The following CSMD1 variants were observed in gnomAD, a reference collection of about 807,000 sequenced individuals.
The protein encoded by CSMD1 is CUB and sushi domain-containing protein 1.
CSMD1 carries 213 observed loss-of-function variants against 417.5 expected under a neutral mutation model. The ratio of observed to expected loss-of-function variants is 0.51; its 90% CI spans 0.46 to 0.57. The LOEUF is 0.57. Among genes scored for constraint, CSMD1 ranks in the 20% least tolerant of loss-of-function variants. CSMD1 has a pLI of 0.00. For missense variants in CSMD1, 6,923 were observed against 4,529.7 expected, an observed-to-expected ratio of 1.53 and a Z score of -15.17; for synonymous variants, 2,862 against 1,736.8, an observed-to-expected ratio of 1.65 and a Z score of -16.11.
At chr8:3,087,312 A>G in intron 48 of CSMD1, 27 bp from the exon 49 acceptor site, 1 of 1,606,948 alleles carries the variant, frequency 6.2e-7, no homozygotes, top group South Asian at 1.1e-5. Flanking sequence ...ACACACAGAA[A>G]TAAGTCAACA....
At chr8:3,083,646 A>AT (rs1814270383) in intron 49 of CSMD1, among the ~76,000 whole-genome samples, 23 of 16,740 alleles carry the variant, frequency 1.4e-3, no homozygotes, top group Admixed American at 2.8e-3. Flanking sequence ...ATATATATAT[A>AT]TATTTTTTTT....
At chr8:4,125,849 G>T (rs116199680) in intron 3 of CSMD1, among the ~76,000 whole-genome samples, 1 of 152,128 alleles carries the variant, frequency 6.6e-6, no homozygotes, top group Non-Finnish European at 1.5e-5. Flanking sequence ...AGTCTGCTTT[G>T]CAGGACTAAC....
chr8:3,966,774 C>T (rs1182211090), intron 5 of CSMD1, among the ~76,000 whole-genome samples: 1 of 151,604 alleles, frequency 6.6e-6, no homozygotes, highest in Non-Finnish European at 1.5e-5. Flanking sequence ...CGCACACACA[C>T]TGATTTATAG....
chr8:4,421,012 G>T (rs138154616), intron 2 of CSMD1, among the ~76,000 whole-genome samples: 2 of 152,080 alleles, frequency 1.3e-5, no homozygotes, highest in African/African-American at 4.8e-5. Flanking sequence ...AGTATCTGCT[G>T]TCTGCTTTTA....
intron 1 of CSMD1, among the ~76,000 whole-genome samples, chr8:4,728,279 AAATAAAATTTT>A (rs1809606569): frequency 6.6e-6 from 1 of 151,070 alleles, no homozygotes; most frequent in African/African-American, 2.4e-5. Flanking sequence ...ATTTGGGTTG[AAATAAAATTTT>A]AATATTAGGT....
intron 7 of CSMD1, among the ~76,000 whole-genome samples, chr8:3,667,743 G>C (rs1798775960): frequency 6.6e-6 from 1 of 152,176 alleles, no homozygotes; most frequent in Non-Finnish European, 1.5e-5. Context: ...AAGTAAACAA[G>C]AGTTCTGAAA....
intron 19 of CSMD1, among the ~76,000 whole-genome samples, chr8:3,368,338 T>C (rs944977263): frequency 2.6e-5 from 4 of 152,092 alleles, no homozygotes; most frequent in African/African-American, 4.8e-5. Flanking sequence ...AATAGACTCT[T>C]GTTTATTTTA....
chr8:4,182,564 A>G (rs1798438482), intron 3 of CSMD1, among the ~76,000 whole-genome samples: 1 of 152,166 alleles, frequency 6.6e-6, no homozygotes, highest in Admixed American at 6.6e-5. Context: ...ATAATGATGT[A>G]TGATCACAGA....
chr8:3,500,420 C>G (rs551408845), intron 10 of CSMD1, among the ~76,000 whole-genome samples: 1 of 152,064 alleles, frequency 6.6e-6, no homozygotes, highest in Non-Finnish European at 1.5e-5. Context: ...AGGTTCACGA[C>G]CAGACACACA....
chr8:4,112,946 C>T (rs116840332), intron 3 of CSMD1, among the ~76,000 whole-genome samples: 2,510 of 152,228 alleles, frequency 0.016, 72 homozygotes, highest in African/African-American at 0.057. Flanking sequence ...CATCCTTTTG[C>T]GTTACATTTT....
intron 3 of CSMD1, among the ~76,000 whole-genome samples, chr8:4,305,506 G>T (rs1057112049): frequency 3.9e-5 from 6 of 152,180 alleles, no homozygotes; most frequent in Admixed American, 1.3e-4. Context: ...TGCTTTCCCT[G>T]AGGGCAGAGC....
Position 3,865,197 on chromosome 8 carries a change from C to A in CSMD1, c.819-111155G>T, listed in dbSNP as rs59889484. On this transcript the variant is annotated intron_variant, in intron 5 of 69. Coordinates refer to ENST00000635120, the MANE Select transcript of CSMD1 (RefSeq NM_033225.6). ...TAGAGGCACCTCTGATATTTAACAT[C>A]TTGGAAAATGACAGACATAAGTCAT... Among the ~76,000 whole-genome samples the A allele has an allele frequency of 6.8e-3, 1,037 of 152,318 alleles. 11 individuals are homozygous for A. Among genetic ancestry groups the A allele is most frequent in the African/African-American group, 0.022 (908 of 41,562 alleles).
intron 1 of CSMD1, among the ~76,000 whole-genome samples, chr8:4,752,598 T>G (rs1811404547): frequency 6.6e-6 from 1 of 152,134 alleles, no homozygotes; most frequent in African/African-American, 2.4e-5. Flanking sequence ...TGAGTGAAAT[T>G]CTAGAAAAAT....
At chr8:2,997,094 C>T (rs901529297) in intron 54 of CSMD1, among the ~76,000 whole-genome samples, 18 of 152,244 alleles carry the variant, frequency 1.2e-4, no homozygotes, top group African/African-American at 4.1e-4. Context: ...CCTTTGCATT[C>T]TGCACTGTGG....
intron 23 of CSMD1, among the ~76,000 whole-genome samples, chr8:3,309,141 C>T (rs1483262448): frequency 6.6e-6 from 1 of 152,276 alleles, no homozygotes; most frequent in South Asian, 2.1e-4. Flanking sequence ...GAACGGGATA[C>T]TCTGCTGCCT....
intron 5 of CSMD1, among the ~76,000 whole-genome samples, chr8:3,769,210 G>A (rs1332929592): frequency 3.3e-5 from 5 of 152,146 alleles, no homozygotes; most frequent in African/African-American, 4.8e-5. Context: ...AGACATGTTG[G>A]TGACACCTAC....
intron 3 of CSMD1, among the ~76,000 whole-genome samples, chr8:4,294,062 G>T (rs992008682): frequency 6.6e-6 from 1 of 152,120 alleles, no homozygotes; most frequent in African/African-American, 2.4e-5. Flanking sequence ...AGTGACTATT[G>T]CACCGAAATA....
chr8:4,882,030 G>A (rs995210501), intron 1 of CSMD1, among the ~76,000 whole-genome samples: 1 of 151,918 alleles, frequency 6.6e-6, no homozygotes, highest in Admixed American at 6.6e-5. Context: ...TTGCAATCCT[G>A]GGCAAGTAAT....
intron 3 of CSMD1, among the ~76,000 whole-genome samples, chr8:4,416,925 T>G (rs560903830): frequency 6.6e-6 from 1 of 152,206 alleles, no homozygotes; most frequent in East Asian, 1.9e-4. Flanking sequence ...AATAGTAATC[T>G]TATTATAAAC....
Sources: allele counts gnomAD v4.1 joint callset (sites outside exome capture counted in the v4.1 genomes callset), GRCh38; gene constraint gnomAD v4.1.1; transcripts MANE v1.5; gene names NCBI Gene and HGNC (gene_info 2026-07-23, HGNC 2026-07-21).